Variants in NBEA observed in about 807,000 individuals in gnomAD.
NBEA encodes the protein lysosomal-trafficking regulator 2.
In NBEA, 44 loss-of-function variants were observed where a neutral mutation model predicts 343.4. The ratio of observed to expected loss-of-function variants is 0.13; its 90% CI spans 0.10 to 0.16. The LOEUF is 0.16. Among genes scored for constraint, NBEA ranks in the 10% least tolerant of loss-of-function variants. The pLI, the probability that NBEA is intolerant of heterozygous loss-of-function variation, is 1.00. For synonymous variants in NBEA, 1,175 were observed against 1,238.7 expected (o/e 0.95, Z 1.08); for missense variants, 2,555 against 3,631.3 (o/e 0.70, Z 7.62).
chr13:35,615,286 T>C (rs1232605108), intron 48 of NBEA, among the ~76,000 whole-genome samples: 2 of 85,144 alleles, frequency 2.3e-5, no homozygotes, highest in Non-Finnish European at 2.3e-5. Flanking sequence ...AGACCCTGTC[T>C]CAAAAAAAAA....
At chr13:35,075,273 ATC>A (rs2064063005) in intron 10 of NBEA, among the ~76,000 whole-genome samples, 2 of 152,156 alleles carry the variant, frequency 1.3e-5, no homozygotes, top group Admixed American at 6.6e-5. Flanking sequence ...CATGTAAAGT[ATC>A]TGTCATAGCG....
At chr13:34,971,939 T>A (rs1033460056) in intron 1 of NBEA, among the ~76,000 whole-genome samples, 2 of 152,082 alleles carry the variant, frequency 1.3e-5, no homozygotes, top group Non-Finnish European at 2.9e-5. Flanking sequence ...TCTTTGCACG[T>A]CTGGTAGAAT....
chr13:35,484,274 G>GTATATA (rs202233951), intron 41 of NBEA, among the ~76,000 whole-genome samples: 12 of 115,152 alleles, frequency 1.0e-4, no homozygotes, highest in African/African-American at 2.2e-4. Context: ...GTGTGTGTGT[G>GTATATA]TATATATATA....
chr13:35,274,066 A>G (rs533687229), intron 34 of NBEA, among the ~76,000 whole-genome samples: 2 of 152,272 alleles, frequency 1.3e-5, no homozygotes, highest in South Asian at 2.1e-4. Flanking sequence ...CAACAAAAAA[A>G]GAATTTTAGA....
At chr13:35,499,425 G>T (rs1230928941) in intron 41 of NBEA, among the ~76,000 whole-genome samples, 1 of 152,076 alleles carries the variant, frequency 6.6e-6, no homozygotes, top group Non-Finnish European at 1.5e-5. Flanking sequence ...CCGTGTTGAT[G>T]CCTGCCTCTC....
chr13:35,222,619 A>G (rs949363844), intron 33 of NBEA, among the ~76,000 whole-genome samples: 3 of 151,976 alleles, frequency 2.0e-5, no homozygotes, highest in Non-Finnish European at 4.4e-5. Flanking sequence ...TATTTCAAAC[A>G]TTTTTAAAAT....
In NBEA at chr13:35,299,769, G is replaced by A. The variant is rs564083290; in HGVS notation, c.5838+9319G>A. Among the ~76,000 whole-genome samples, 261 of 152,180 alleles carry A rather than the reference G, an allele frequency of 1.7e-3. 1 individual carries two copies. Among genetic ancestry groups the A allele is most frequent in the Non-Finnish European group, 2.9e-3 (198 of 68,038 alleles). On this transcript the variant is annotated intron_variant, in intron 35 of 58. Transcript: ENST00000379939. ...ATGGCAAAAAATTCTGGAATAATTT[G>A]TAAGATAAGACTTTAAAATATACCT...
intron 27 of NBEA, among the ~76,000 whole-genome samples, chr13:35,174,110 C>T (rs1198486321): frequency 6.6e-6 from 1 of 152,078 alleles, no homozygotes; most frequent in Non-Finnish European, 1.5e-5. Context: ...CTTACTTCTC[C>T]AGCAGCAGCT....
At chr13:35,539,941 A>AAAAAAAAAC (rs2078743206) in intron 41 of NBEA, among the ~76,000 whole-genome samples, 3 of 146,906 alleles carry the variant, frequency 2.0e-5, no homozygotes, top group Non-Finnish European at 4.5e-5. Context: ...AAAAAAAAAA[A>AAAAAAAAAC]AGTGCACTAG....
At chr13:35,101,285 C>T (rs1249278343) in intron 11 of NBEA, among the ~76,000 whole-genome samples, 2 of 151,934 alleles carry the variant, frequency 1.3e-5, no homozygotes, top group Admixed American at 1.3e-4. Flanking sequence ...GTGACTCCAG[C>T]ATTTTACATC....
At chr13:35,040,886 G>A (rs367789785) in intron 1 of NBEA, 47 bp from the exon 2 acceptor site, 158 of 1,485,458 alleles carry the variant, frequency 1.1e-4, no homozygotes, top group Middle Eastern at 1.7e-4. Context: ...TACTGTCATC[G>A]ATAACCTCCC....
At chr13:35,575,780 G>A (rs1029554767) in intron 45 of NBEA, among the ~76,000 whole-genome samples, 2 of 151,964 alleles carry the variant, frequency 1.3e-5, no homozygotes, top group Non-Finnish European at 2.9e-5. Flanking sequence ...CTTAAAAATT[G>A]TTTTGCTTAA....
At chr13:34,980,426 A>G (rs2060318443) in intron 1 of NBEA, among the ~76,000 whole-genome samples, 1 of 146,152 alleles carries the variant, frequency 6.8e-6, no homozygotes, top group African/African-American at 2.5e-5. Flanking sequence ...ACTTTTTTTT[A>G]TTACATTTTA....
chr13:35,070,979 T>C (rs1283483958), intron 10 of NBEA, 127 bp downstream of exon 10: 2 of 1,033,092 alleles, frequency 1.9e-6, no homozygotes, highest in African/African-American at 1.6e-5. Flanking sequence ...ATAAAAAATT[T>C]TTTAGAACTA....
At chr13:35,526,776 G>A (rs2322666) in intron 41 of NBEA, among the ~76,000 whole-genome samples, 28,787 of 152,142 alleles carry the variant, frequency 0.19, 3,791 homozygotes, top group African/African-American at 0.36. Context: ...TCCGGCCACC[G>A]TGCACAGCCA....
rs534404801 is a variant in NBEA, at chr13:35,016,501, T to C, written c.295-24432T>C. On this transcript the variant is annotated intron_variant, in intron 1 of 58. Coordinates refer to ENST00000379939, the MANE Select transcript of NBEA (RefSeq NM_001385012.1). ...CTTGCATGACAGTTGCAAACTGTTA[T>C]CTATCAGGCACTGAGGCAGGTACTA... Among the ~76,000 whole-genome samples, 5 of 152,146 alleles carry C rather than the reference T, an allele frequency of 3.3e-5. No homozygotes were observed. The East Asian group carries it at 7.7e-4, about 24-fold the overall frequency.
intron 33 of NBEA, among the ~76,000 whole-genome samples, chr13:35,228,119 C>G (rs2074765815): frequency 6.6e-6 from 1 of 151,872 alleles, no homozygotes; most frequent in South Asian, 2.1e-4. Context: ...ATACGAATTT[C>G]TTAGAATTAA....
chr13:35,017,768 A>G (rs1000554885), intron 1 of NBEA, among the ~76,000 whole-genome samples: 5 of 152,080 alleles, frequency 3.3e-5, no homozygotes, highest in African/African-American at 1.2e-4. Flanking sequence ...CCATTTTCTT[A>G]ATAGCATATT....
intron 39 of NBEA, among the ~76,000 whole-genome samples, chr13:35,446,942 G>A (rs1159805938): frequency 1.3e-5 from 2 of 151,810 alleles, no homozygotes; most frequent in East Asian, 3.9e-4. Flanking sequence ...CTTATTATGT[G>A]GTTATATCTC....
Sources: gnomAD v4.1 joint callset for allele counts (sites outside exome capture counted in the v4.1 genomes callset) on GRCh38, gnomAD v4.1.1 for gene constraint, MANE v1.5 for transcripts, NCBI Gene and HGNC (gene_info 2026-07-23, HGNC 2026-07-21) for gene names.